CCDC91: variants seen among roughly 807,000 people sequenced by gnomAD.
The protein encoded by CCDC91 is coiled-coil domain-containing protein 91.
Under a neutral mutation model 63.2 loss-of-function variants are expected in CCDC91, and 48 were observed. The ratio of observed to expected loss-of-function variants is 0.76; its 90% confidence interval spans 0.60 to 0.97. The LOEUF is 0.97. Among genes scored for constraint, CCDC91 ranks in the 50% least tolerant of loss-of-function variants. CCDC91 has a pLI of 0.00. For synonymous variants in CCDC91, 167 were observed against 165.8 expected, an observed-to-expected ratio of 1.01 and a Z score of -0.06; for missense variants, 500 against 494.6, an observed-to-expected ratio of 1.01 and a Z score of -0.10.
At chr12:28,538,605 C>T (rs925418427) in intron 12 of CCDC91, among the ~76,000 whole-genome samples, 5 of 152,142 alleles carry the variant, frequency 3.3e-5, no homozygotes, top group African/African-American at 4.8e-5. Context: ...GATTTATAAT[C>T]GTCTGGGTAT....
At chr12:28,440,997 G>A (rs1282254411) in intron 8 of CCDC91, among the ~76,000 whole-genome samples, 2 of 125,932 alleles carry the variant, frequency 1.6e-5, no homozygotes, top group Non-Finnish European at 3.1e-5. Context: ...GGTGGAGGTT[G>A]CAGTGAGCCA....
At chr12:28,203,127 C>A (rs1445864464) in intron 1 of CCDC91, among the ~76,000 whole-genome samples, 5 of 152,078 alleles carry the variant, frequency 3.3e-5, no homozygotes, top group Admixed American at 6.6e-5. Context: ...ATTTTTGAGC[C>A]TTCTAGTTTT....
At chr12:28,494,197 T>C (rs1269530336) in intron 12 of CCDC91, among the ~76,000 whole-genome samples, 2 of 151,688 alleles carry the variant, frequency 1.3e-5, no homozygotes, top group African/African-American at 2.4e-5. Context: ...TGCTAACGGT[T>C]CTAACACCCA....
At chr12:28,537,424 G>A (rs1592993533) in intron 12 of CCDC91, among the ~76,000 whole-genome samples, 1 of 152,078 alleles carries the variant, frequency 6.6e-6, no homozygotes, top group East Asian at 1.9e-4. Context: ...AAATTTTAGT[G>A]TCATTTATTT....
chr12:28,475,525 A>C (rs186604562), intron 11 of CCDC91, among the ~76,000 whole-genome samples: 1 of 152,206 alleles, frequency 6.6e-6, no homozygotes, highest in East Asian at 1.9e-4. Context: ...CTTCCTAGTA[A>C]ATTAACTTTG....
intron 6 of CCDC91, among the ~76,000 whole-genome samples, chr12:28,357,773 A>G (rs1943617166): frequency 6.6e-6 from 1 of 152,120 alleles, no homozygotes; most frequent in Non-Finnish European, 1.5e-5. Flanking sequence ...ACATATTGGA[A>G]TAGTTTACTT....
chr12:28,327,733 G>C (rs1941144015), intron 6 of CCDC91, among the ~76,000 whole-genome samples: 1 of 152,138 alleles, frequency 6.6e-6, no homozygotes. Flanking sequence ...TCCGGACAAC[G>C]ACGCCACTTC....
intron 1 of CCDC91, among the ~76,000 whole-genome samples, chr12:28,237,426 C>G (rs933026713): frequency 1.3e-5 from 2 of 152,018 alleles, no homozygotes; most frequent in African/African-American, 4.8e-5. Context: ...TGTGCGGGTC[C>G]TAAATACTAT....
intron 12 of CCDC91, among the ~76,000 whole-genome samples, chr12:28,496,952 A>G (rs946109930): frequency 1.6e-4 from 23 of 147,222 alleles, no homozygotes; most frequent in African/African-American, 3.4e-4. Context: ...ACATATATAT[A>G]TATATATATG....
At chr12:28,522,239 T>A (rs988917164) in intron 12 of CCDC91, among the ~76,000 whole-genome samples, 2 of 152,152 alleles carry the variant, frequency 1.3e-5, no homozygotes, top group African/African-American at 4.8e-5. Context: ...AATTATTGCC[T>A]CAATTTCAGA....
intron 7 of CCDC91, among the ~76,000 whole-genome samples, chr12:28,384,733 C>G (rs550452325): frequency 1.3e-5 from 2 of 151,592 alleles, no homozygotes; most frequent in East Asian, 3.9e-4. Context: ...TTTTTTTGTA[C>G]CACTGTGTCT....
intron 12 of CCDC91, among the ~76,000 whole-genome samples, chr12:28,507,170 T>G (rs1216377829): frequency 6.6e-6 from 1 of 151,936 alleles, no homozygotes; most frequent in African/African-American, 2.4e-5. Flanking sequence ...GGTAAAAAAC[T>G]TCCAGTGTTC....
rs117213334 is a variant in CCDC91, at chr12:28,356,700, T to C, written c.577-5738T>C. Among the ~76,000 whole-genome samples the C allele has an allele frequency of 2.3e-4, 35 of 152,264 alleles. No individual in the cohort carries two copies. In the East Asian group the frequency reaches 4.8e-3, roughly 21 times the overall value. On this transcript the variant is annotated intron_variant, in intron 6 of 12. Coordinates refer to ENST00000536442, the MANE Select transcript of CCDC91 (RefSeq NM_018318.5). The stretch of plus-strand genomic sequence containing the variant: ...GATATTATTTGCTAATTATGTTCTA[T>C]AGTGGAAAACCTTTCTCAATCAGAT...
At chr12:28,411,616 C>T (rs1307726224) in intron 8 of CCDC91, among the ~76,000 whole-genome samples, 1 of 152,090 alleles carries the variant, frequency 6.6e-6, no homozygotes, top group Non-Finnish European at 1.5e-5. Context: ...TTCCTGTACC[C>T]ATAATTGTTT....
chr12:28,437,029 G>A (rs1330367309), intron 8 of CCDC91, among the ~76,000 whole-genome samples: 5 of 151,240 alleles, frequency 3.3e-5, no homozygotes, highest in South Asian at 4.2e-4. Context: ...TTCCTTGTAG[G>A]TCACTCCTAA....
rs1442780086 is a variant in CCDC91, at chr12:28,549,554, A to G, written c.*381A>G. On this transcript the variant is annotated 3_prime_UTR_variant, in exon 13 of 13. Coordinates refer to ENST00000536442, the MANE Select transcript of CCDC91 (RefSeq NM_018318.5). ...TCATGATGACTCTTGATGAGATGCTAGAATGTAACCATACATTTATCTTAT... is the reference window on the plus strand; with the variant it reads ...TCATGATGACTCTTGATGAGATGCTGGAATGTAACCATACATTTATCTTAT... The G allele has an allele frequency of 2.0e-5, 3 of 153,570 alleles. No homozygotes were observed. The highest frequency in any genetic ancestry group is 4.3e-5 in the Non-Finnish European group (3 of 69,000). The allele number at this position is 153,570 out of a possible 1,614,324, so 9.5% of individuals were successfully genotyped here. A position where few individuals can be genotyped will look rare whatever the true frequency, so the allele number is the denominator to read the frequency against.
chr12:28,256,520 G>C (rs74602106), intron 1 of CCDC91, among the ~76,000 whole-genome samples: 4,581 of 151,090 alleles, frequency 0.03, 105 homozygotes, highest in Middle Eastern at 0.048. Flanking sequence ...AATAATATTT[G>C]AGTGCTTGTC....
rs541740595 is a variant in CCDC91 at position 28,544,662 on chromosome 12, A to G, written c.1216-4401A>G. 2.0e-5 allele frequency among the ~76,000 whole-genome samples: 3 copies of G among 152,160 alleles called. No homozygotes were observed. In the South Asian group the frequency reaches 6.2e-4, roughly 32 times the overall value. ...TATATATATTTCAAAACAATGAATT[A>G]TATCTTTTTGGATGTGAACAGTCTT... On this transcript the variant is annotated intron_variant, in intron 12 of 12. Transcript: ENST00000536442.
At chr12:28,318,096 A>C (rs1940089411) in intron 6 of CCDC91, among the ~76,000 whole-genome samples, 2 of 151,994 alleles carry the variant, frequency 1.3e-5, no homozygotes, top group African/African-American at 4.8e-5. Flanking sequence ...AGAAAAAACT[A>C]GCTTATTTGA....
Sources: gnomAD v4.1 joint callset for allele counts (sites outside exome capture counted in the v4.1 genomes callset) on GRCh38, gnomAD v4.1.1 for gene constraint, MANE v1.5 for transcripts, NCBI Gene and HGNC (gene_info 2026-07-23, HGNC 2026-07-21) for gene names.